Variants in DOCK2 observed in about 807,000 individuals in gnomAD.
DOCK2 encodes dedicator of cytokinesis 2.
In DOCK2, 87 loss-of-function variants were observed where a neutral mutation model predicts 248.9. The ratio of observed to expected loss-of-function variants is 0.35; its 90% CI spans 0.29 to 0.42. DOCK2 has a LOEUF of 0.42. Ranked by LOEUF, DOCK2 falls within the 10% of genes least tolerant of loss-of-function variation. The pLI is 1.00. For missense variants in DOCK2, 1,747 were observed against 2,300.2 expected (o/e 0.76, Z 4.92); for synonymous variants, 805 against 821.6 (o/e 0.98, Z 0.35).
chr5:169,938,964 C>T (rs1208444478), intron 27 of DOCK2, among the ~76,000 whole-genome samples: 1 of 148,216 alleles, frequency 6.7e-6, no homozygotes, highest in Admixed American at 6.8e-5. Context: ...AGTACAGTGG[C>T]GTGATCTCGG....
chr5:170,006,919 T>TA (rs919770400), intron 30 of DOCK2, among the ~76,000 whole-genome samples: 4 of 152,214 alleles, frequency 2.6e-5, no homozygotes, highest in African/African-American at 4.8e-5. Flanking sequence ...ATGAGAGACT[T>TA]ACGCAAAATA....
chr5:169,768,474 C>T, intron 25 of DOCK2, among the ~76,000 whole-genome samples: 1 of 152,184 alleles, frequency 6.6e-6, no homozygotes, highest in East Asian at 1.9e-4. Flanking sequence ...CTCACCATTC[C>T]TCCTGAAGGA....
chr5:169,969,338 G>A (rs990358552), intron 27 of DOCK2, among the ~76,000 whole-genome samples: 1 of 151,832 alleles, frequency 6.6e-6, no homozygotes, highest in African/African-American at 2.4e-5. Context: ...CCAGCTACTC[G>A]GGAGGCTGAG....
intron 25 of DOCK2, among the ~76,000 whole-genome samples, chr5:169,800,944 CTTTTT>C (rs60140740): frequency 1.7e-4 from 9 of 53,186 alleles, no homozygotes; most frequent in African/African-American, 7.0e-4. Context: ...TTCTTTCTTT[CTTTTT>C]TTTTTTTTTT....
intron 25 of DOCK2, among the ~76,000 whole-genome samples, chr5:169,775,365 G>T (rs1311034527): frequency 2.0e-5 from 3 of 152,186 alleles, no homozygotes; most frequent in Admixed American, 6.5e-5. Context: ...GGGTAAACAG[G>T]ACAGCAGTGA....
At chr5:170,001,366 A>T (rs1426754820) in intron 30 of DOCK2, among the ~76,000 whole-genome samples, 1 of 152,222 alleles carries the variant, frequency 6.6e-6, no homozygotes, top group Non-Finnish European at 1.5e-5. Context: ...AGTCTTTATA[A>T]ACATCGGATG....
intron 27 of DOCK2, among the ~76,000 whole-genome samples, chr5:169,926,144 A>C (rs1775440543): frequency 6.6e-6 from 1 of 152,108 alleles, no homozygotes. Flanking sequence ...AGTCAGGCCA[A>C]AGGGATCCAG....
chr5:170,030,180 C>T (rs1581540292), intron 34 of DOCK2, among the ~76,000 whole-genome samples: 1 of 152,196 alleles, frequency 6.6e-6, no homozygotes, highest in Admixed American at 6.5e-5. Flanking sequence ...CGGCGGTCTT[C>T]AGATGATCAG....
chr5:169,952,427 GACAA>G (rs1221885256), intron 27 of DOCK2, among the ~76,000 whole-genome samples: 1 of 152,008 alleles, frequency 6.6e-6, no homozygotes, highest in Non-Finnish European at 1.5e-5. Flanking sequence ...TTAAGTAAAG[GACAA>G]ACAGAGAAGT....
chr5:169,893,041 C>T (rs1181408133), intron 27 of DOCK2, among the ~76,000 whole-genome samples: 1 of 152,174 alleles, frequency 6.6e-6, no homozygotes, highest in Admixed American at 6.6e-5. Context: ...TTTTGTTCCT[C>T]TCTAGCCCCT....
In DOCK2 at chr5:169,714,442, A is replaced by G. The variant is rs1581082777; in HGVS notation, c.1926A>G (p.Gly642=). ...TAGAAAAGTTGAAGATTGTGGATGG[A>G]GAGGAAGTGGTGAAGGTCAGTGGGG... ...ENLEKLKIVD[G]EEVVKFLQDT... The change falls in exon 19 of 52, where the codon GGA becomes GGG. Residue 642 remains glycine (G), a synonymous_variant. Transcript: ENST00000520908. 6.2e-7 allele frequency: 1 copy of G among 1,614,030 alleles called. No individual in the cohort carries two copies. Among genetic ancestry groups the G allele is most frequent in the Non-Finnish European group, 8.5e-7 (1 of 1,179,954 alleles).
intron 27 of DOCK2, among the ~76,000 whole-genome samples, chr5:169,951,939 C>T (rs1435893248): frequency 6.6e-6 from 1 of 152,190 alleles, no homozygotes; most frequent in African/African-American, 2.4e-5. Flanking sequence ...CTCCTAGGCT[C>T]TATGTTATTC....
intron 6 of DOCK2, among the ~76,000 whole-genome samples, chr5:169,680,668 C>T (rs1032199708): frequency 2.0e-5 from 3 of 152,000 alleles, no homozygotes; most frequent in African/African-American, 7.3e-5. Context: ...CTGTGGGAAG[C>T]TATGATCACA....
chr5:170,066,103 C>T (rs967663359), intron 44 of DOCK2, among the ~76,000 whole-genome samples: 1 of 152,074 alleles, frequency 6.6e-6, no homozygotes, highest in Non-Finnish European at 1.5e-5. Context: ...AGGCGCCCGC[C>T]ACAACGCCTG....
intron 1 of DOCK2, among the ~76,000 whole-genome samples, chr5:169,638,293 G>T (rs1238851862): frequency 1.3e-5 from 2 of 152,166 alleles, no homozygotes; most frequent in African/African-American, 4.8e-5. Flanking sequence ...GCCCTGGAGA[G>T]ATCAGCAGTT....
chr5:169,834,110 A>G (rs7729956), intron 26 of DOCK2, among the ~76,000 whole-genome samples: 15,293 of 134,680 alleles, frequency 0.11, 313 homozygotes, highest in Admixed American at 0.16. Context: ...TCCTACTCAC[A>G]TGCTCAGTCA....
At chr5:169,749,827 A>C (rs944534995) in intron 23 of DOCK2, among the ~76,000 whole-genome samples, 2 of 152,256 alleles carry the variant, frequency 1.3e-5, no homozygotes, top group Non-Finnish European at 2.9e-5. Flanking sequence ...CAAACAAAAA[A>C]TGTATTCCTC....
At chr5:170,039,546 C>T (rs1433139986) in intron 36 of DOCK2, among the ~76,000 whole-genome samples, 1 of 152,218 alleles carries the variant, frequency 6.6e-6, no homozygotes, top group Non-Finnish European at 1.5e-5. Context: ...ACTGCCAGGG[C>T]ATCCCAGCAC....
chr5:170,034,326 C>T (rs1756245233), intron 34 of DOCK2, 73 bp from the exon 35 acceptor site: 1 of 1,570,894 alleles, frequency 6.4e-7, no homozygotes. Flanking sequence ...TGTGCTCCAT[C>T]CCACCGCCCA....
Sources: allele counts gnomAD v4.1 joint callset (sites outside exome capture counted in the v4.1 genomes callset), GRCh38; gene constraint gnomAD v4.1.1; transcripts MANE v1.5; gene names NCBI Gene and HGNC (gene_info 2026-07-23, HGNC 2026-07-21).